Variants in CCNT2 observed in about 807,000 individuals in gnomAD.
CCNT2 encodes cyclin T2.
Under a neutral mutation model 70.0 loss-of-function variants are expected in CCNT2, and 18 were observed. That is an observed-to-expected ratio of 0.26 (90% CI 0.18 to 0.38). The LOEUF is 0.38. Among genes scored for constraint, CCNT2 ranks in the 10% least tolerant of loss-of-function variants. The pLI is 1.00. For synonymous variants in CCNT2, 334 were observed against 313.3 expected (o/e 1.07, Z -0.70); for missense variants, 734 against 890.2 (o/e 0.82, Z 2.23).
rs865984335 is a variant in CCNT2 at position 134,953,727 on chromosome 2, C to T, written c.1272C>T (p.Ser424=). The change falls in exon 9 of 9, where the codon TCC becomes TCT. Residue 424 remains serine, a synonymous_variant. Transcript: ENST00000264157. ...AGSSKHHGPI[S]TTPGIIPQKM... ...GCAGTAAACACCATGGGCCAATTTCCACTACTCCAGGAATAATTCCTCAGA... is the reference window on the plus strand; with the variant it reads ...GCAGTAAACACCATGGGCCAATTTCTACTACTCCAGGAATAATTCCTCAGA... 6.2e-7 allele frequency: 1 copy of T among 1,613,886 alleles called. No individual in the cohort carries two copies. Among genetic ancestry groups the T allele is most frequent in the East Asian group, 2.2e-5 (1 of 44,902 alleles).
chr2:134,952,763 A>G, intron 8 of CCNT2, 52 bp downstream of exon 8: 1 of 1,256,958 alleles, frequency 8.0e-7, no homozygotes, highest in African/African-American at 1.5e-5. Context: ...TGTAACATTT[A>G]CATAGCTAAC....
rs1207704333 is a variant in CCNT2, at chr2:134,957,570, G to A, written c.*2922G>A. The A allele has an allele frequency of 7.0e-6, 1 of 142,340 alleles. No individual in the cohort carries two copies. The allele number at this position is 142,340 out of a possible 1,614,324, so 8.8% of individuals were successfully genotyped here. Reference sequence around the variant, plus strand: ...TATTTGCCTTAGCTATTTCAAAATAGGTATTTTCAGAACCAAAGCAAAGGG... The same window carrying A: ...TATTTGCCTTAGCTATTTCAAAATAAGTATTTTCAGAACCAAAGCAAAGGG... On this transcript the variant is annotated 3_prime_UTR_variant, in exon 9 of 9. Coordinates refer to ENST00000264157, the MANE Select transcript of CCNT2 (RefSeq NM_058241.3).
intron 2 of CCNT2, among the ~76,000 whole-genome samples, chr2:134,927,918 T>C (rs1680415728): frequency 6.6e-6 from 1 of 152,260 alleles, no homozygotes; most frequent in Admixed American, 6.5e-5. Flanking sequence ...TATATGGCTA[T>C]ACATAAGGAA....
chr2:134,955,208 A>G lies in CCNT2; in HGVS notation c.*560A>G, dbSNP rs529292963. 1 of 153,722 alleles carries G rather than the reference A, an allele frequency of 6.5e-6. No individual in the cohort carries two copies. Among genetic ancestry groups the G allele is most frequent in the South Asian group, 2.0e-4 (1 of 4,880 alleles). 9.5% of individuals were successfully genotyped at this position (153,722 alleles called of 1,614,324 possible). On this transcript the variant is annotated 3_prime_UTR_variant, in exon 9 of 9. Transcript: ENST00000264157. ...TGTAAGTATAACAATATACAGAATA[A>G]CTTTATTTTATCTTGTCAGAGTCCA...
intron 2 of CCNT2, among the ~76,000 whole-genome samples, chr2:134,935,050 ATATT>A (rs1681048569): frequency 6.6e-6 from 1 of 152,224 alleles, no homozygotes; most frequent in South Asian, 2.1e-4. Flanking sequence ...GTGCCACTAT[ATATT>A]ATACATATTC....
Position 134,947,832 on chromosome 2 carries a change from T to C in CCNT2, c.636T>C (p.Pro212=). 2 of 1,557,864 alleles carry C rather than the reference T, an allele frequency of 1.3e-6. No homozygotes were observed. The highest frequency in any genetic ancestry group is 1.8e-6 in the Non-Finnish European group (2 of 1,139,524). Residue 212 remains proline, a synonymous_variant, in exon 7 of 9, where the codon CCT becomes CCC. Coordinates refer to ENST00000264157, the MANE Select transcript of CCNT2 (RefSeq NM_058241.3). ...LACKWSNWEI[P]VSTDGKHWWE... ...GCAAATGGTCCAATTGGGAGATCCC[T>C]GTATCAACTGATGGAAAGCATTGGT...
intron 5 of CCNT2, 27 bp from the exon 6 acceptor site, chr2:134,946,074 G>A (rs1331769869): frequency 6.2e-7 from 1 of 1,600,802 alleles, no homozygotes; most frequent in Non-Finnish European, 8.5e-7. Flanking sequence ...TGATAGTATT[G>A]TCTTCGTTTT....
intron 7 of CCNT2, among the ~76,000 whole-genome samples, chr2:134,950,860 G>T (rs1156480766): frequency 6.6e-6 from 1 of 152,048 alleles, no homozygotes. Flanking sequence ...AGATTCTTTT[G>T]TTGTTCTGCT....
intron 4 of CCNT2, 117 bp downstream of exon 4, chr2:134,939,179 T>G (rs984423577): frequency 1.2e-5 from 9 of 746,122 alleles, no homozygotes; most frequent in African/African-American, 1.8e-5. Flanking sequence ...AAAACAGGTT[T>G]TAGACAGAAT....
At position 134,940,723 on chromosome 2, in the gene CCNT2, T is replaced by C. The variant is rs1681520300; in HGVS notation, c.430+1661T>C. Among the ~76,000 whole-genome samples, 3 of 152,218 alleles carry C rather than the reference T, an allele frequency of 2.0e-5. No homozygotes were observed. The South Asian group carries it at 6.2e-4, about 32-fold the overall frequency. ...TTACATATTGCGGTAAAAGAGGTTC[T>C]GGCATATTTTTACCGTATTTAGTGC... On this transcript the variant is annotated intron_variant, in intron 4 of 8. Transcript: ENST00000264157.
Position 134,942,597 on chromosome 2 carries a change from T to G in CCNT2, c.431-15T>G. Reference sequence around the variant, plus strand: ...AGTGGTAAGAGATTGGAAAAAAAAGTGCTTATCATTTCAGGTTTTGAGATC... The same window carrying G: ...AGTGGTAAGAGATTGGAAAAAAAAGGGCTTATCATTTCAGGTTTTGAGATC... On this transcript the variant is annotated splice_polypyrimidine_tract_variant and intron_variant, in intron 4 of 8. Coordinates refer to ENST00000264157, the MANE Select transcript of CCNT2 (RefSeq NM_058241.3). The G allele has an allele frequency of 6.2e-7, 1 of 1,605,568 alleles. No individual in the cohort carries two copies. The highest frequency in any genetic ancestry group is 8.5e-7 in the Non-Finnish European group (1 of 1,175,030).
chr2:134,942,962 C>T (rs1172143813), intron 5 of CCNT2: 14 of 985,246 alleles, frequency 1.4e-5, no homozygotes, highest in Non-Finnish European at 1.7e-5. Flanking sequence ...TTGCTAGTCC[C>T]ATTTCAGTCA....
intron 5 of CCNT2, chr2:134,942,905 C>G: frequency 7.5e-7 from 1 of 1,324,522 alleles, no homozygotes; most frequent in Non-Finnish European, 9.6e-7. Flanking sequence ...CACTAAAACT[C>G]CGGAGGGCTT....
Position 134,936,718 on chromosome 2 carries a change from C to T in CCNT2, c.241-123C>T, listed in dbSNP as rs982779282. The T allele has an allele frequency of 1.7e-5, 12 of 691,320 alleles. No individual in the cohort carries two copies. The Admixed American group carries it at 2.9e-4, about 16-fold the overall frequency. The allele number at this position is 691,320 out of a possible 1,614,324, so 42.8% of individuals were successfully genotyped here. On this transcript the variant is annotated intron_variant, in intron 2 of 8. Transcript: ENST00000264157. The stretch of plus-strand genomic sequence containing the variant: ...TCAGTGAGCCGAGATCACACCACTG[C>T]ACTCCAGCCTGGGCAACAGGAGCGA...
At chr2:134,946,877 T>C (rs935130898) in intron 6 of CCNT2, among the ~76,000 whole-genome samples, 6 of 152,140 alleles carry the variant, frequency 3.9e-5, no homozygotes, top group African/African-American at 1.4e-4. Context: ...AGTGGATCAT[T>C]GGGGAGAAGG....
At chr2:134,942,585 T>G in intron 4 of CCNT2, 27 bp from the exon 5 acceptor site, 4 of 1,588,844 alleles carry the variant, frequency 2.5e-6, no homozygotes, top group Non-Finnish European at 3.4e-6. Context: ...GGTAAGAGAT[T>G]GGAAAAAAAA....
In CCNT2 at chr2:134,944,921, G is replaced by A. The variant is rs186617111; in HGVS notation, c.494-1180G>A. 97 of 984,962 alleles carry A rather than the reference G, an allele frequency of 9.8e-5. 1 individual carries two copies. In the African/African-American group the frequency reaches 1.4e-3, roughly 14 times the overall value. 61.0% of individuals were successfully genotyped at this position (984,962 alleles called of 1,614,324 possible). Reference sequence around the variant, plus strand: ...TTTCCTTCTCTACGTATTTTTATTCGGAGGGGGAGGGGAAAATAAATTTGA... The same window carrying A: ...TTTCCTTCTCTACGTATTTTTATTCAGAGGGGGAGGGGAAAATAAATTTGA... On this transcript the variant is annotated intron_variant, in intron 5 of 8. Transcript: ENST00000264157.
At chr2:134,925,634 A>G (rs1431896220) in intron 2 of CCNT2, among the ~76,000 whole-genome samples, 1 of 151,978 alleles carries the variant, frequency 6.6e-6, no homozygotes, top group Non-Finnish European at 1.5e-5. Context: ...CCATTATTCC[A>G]CTGTATGGCT....
At chr2:134,942,855 G>C in intron 5 of CCNT2, 181 bp downstream of exon 5, 1 of 1,380,872 alleles carries the variant, frequency 7.2e-7, no homozygotes, top group Admixed American at 3.2e-5. Context: ...ATTCTACCTG[G>C]TATGTTAGCT....
Sources: allele counts gnomAD v4.1 joint callset (sites outside exome capture counted in the v4.1 genomes callset), GRCh38; gene constraint gnomAD v4.1.1; transcripts MANE v1.5; gene names NCBI Gene and HGNC (gene_info 2026-07-23, HGNC 2026-07-21).